Variants in NUDCD3 observed in about 807,000 individuals in gnomAD.
The protein encoded by NUDCD3 is NudC domain containing 3.
In NUDCD3, 13 loss-of-function variants were observed where a neutral mutation model predicts 39.7. The ratio of observed to expected loss-of-function variants is 0.33; its 90% CI spans 0.21 to 0.52. NUDCD3 has a LOEUF of 0.52. Ranked by LOEUF, NUDCD3 falls within the 20% of genes least tolerant of loss-of-function variation. The probability of loss-of-function intolerance (pLI) is 0.96; values close to 1 mark genes in which losing one functional copy is unlikely to be tolerated. For missense variants in NUDCD3, 453 were observed against 458.1 expected (o/e 0.99, Z 0.10); for synonymous variants, 175 against 172.4 (o/e 1.02, Z -0.12).
chr7:44,404,892 T>C (rs1365275224), intron 3 of NUDCD3, among the ~76,000 whole-genome samples: 1 of 152,172 alleles, frequency 6.6e-6, no homozygotes, highest in Non-Finnish European at 1.5e-5. Context: ...AGACCAATTG[T>C]CACAGCAAAA....
intron 2 of NUDCD3, among the ~76,000 whole-genome samples, chr7:44,432,401 C>T (rs1799381486): frequency 6.6e-6 from 1 of 152,158 alleles, no homozygotes; most frequent in South Asian, 2.1e-4. Flanking sequence ...AAGCTAGAGC[C>T]CCAAACCTAT....
intron 2 of NUDCD3, among the ~76,000 whole-genome samples, chr7:44,460,562 C>T (rs770816795): frequency 1.3e-5 from 2 of 151,908 alleles, no homozygotes; most frequent in Non-Finnish European, 2.9e-5. Flanking sequence ...TTACCAACAC[C>T]AAAACTAGAC....
At chr7:44,447,052 T>C (rs1799702187) in intron 2 of NUDCD3, among the ~76,000 whole-genome samples, 2 of 152,358 alleles carry the variant, frequency 1.3e-5, no homozygotes, top group South Asian at 4.1e-4. Context: ...GAAAAGCAAT[T>C]AGTTCTTGCC....
intron 2 of NUDCD3, among the ~76,000 whole-genome samples, chr7:44,475,599 A>G (rs1295064711): frequency 6.6e-6 from 1 of 152,050 alleles, no homozygotes; most frequent in Admixed American, 6.6e-5. Flanking sequence ...TCTACAAAAA[A>G]TTTTTTAAAA....
At chr7:44,469,140 A>AC (rs1800199451) in intron 2 of NUDCD3, among the ~76,000 whole-genome samples, 2 of 144,240 alleles carry the variant, frequency 1.4e-5, no homozygotes, top group Admixed American at 6.8e-5. Context: ...AAAAAAAAAA[A>AC]ACAGGAGATT....
At chr7:44,387,795 A>G (rs145934482) in intron 5 of NUDCD3, among the ~76,000 whole-genome samples, 2 of 152,350 alleles carry the variant, frequency 1.3e-5, no homozygotes, top group East Asian at 3.9e-4. Flanking sequence ...TTCCTGAGGC[A>G]AAAGTGGAGA....
chr7:44,386,092 C>T lies in NUDCD3; in HGVS notation c.1005G>A (p.Trp335Ter). 1 of 1,614,096 alleles carries T rather than the reference C, an allele frequency of 6.2e-7. No individual in the cohort carries two copies. Among genetic ancestry groups the T allele is most frequent in the Admixed American group, 1.7e-5 (1 of 60,026 alleles). The change falls in exon 6 of 6, where the codon TGG (tryptophan) becomes TGA (stop). Residue 335 changes from tryptophan to a stop codon, truncating the protein, a stop_gained. Coordinates refer to ENST00000355451, the MANE Select transcript of NUDCD3 (RefSeq NM_015332.4). LOFTEE classifies it high-confidence loss of function. Reference sequence around the variant, plus strand: ...CTCGGAAGGGAGAACCTTCAGCATCCCACCCCTTCTTCAGCATCTCATGGA... The same window carrying T: ...CTCGGAAGGGAGAACCTTCAGCATCTCACCCCTTCTTCAGCATCTCATGGA... ...LKVHEMLKKGWDAEGSPFRGQ... is the reference protein window; with the variant it reads ...LKVHEMLKKG
intron 3 of NUDCD3, among the ~76,000 whole-genome samples, chr7:44,412,566 C>T (rs987747987): frequency 1.3e-5 from 2 of 152,134 alleles, no homozygotes; most frequent in African/African-American, 4.8e-5. Context: ...AGATGGGGCC[C>T]AAATTGCCAC....
At chr7:44,442,958 T>C (rs1799619419) in intron 2 of NUDCD3, among the ~76,000 whole-genome samples, 1 of 152,164 alleles carries the variant, frequency 6.6e-6, no homozygotes, top group African/African-American at 2.4e-5. Flanking sequence ...CACCTTGGCC[T>C]CCCAAAGTGC....
At chr7:44,411,597 T>C (rs938720624) in intron 3 of NUDCD3, among the ~76,000 whole-genome samples, 6 of 152,164 alleles carry the variant, frequency 3.9e-5, no homozygotes, top group Admixed American at 2.0e-4. Flanking sequence ...CCCAGTAGGA[T>C]AGCTACAATT....
intron 2 of NUDCD3, among the ~76,000 whole-genome samples, chr7:44,446,404 G>A (rs775235595): frequency 4.6e-5 from 7 of 152,334 alleles, no homozygotes; most frequent in Admixed American, 2.0e-4. Context: ...GTACTTTTCC[G>A]TTCTCATTAG....
At chr7:44,388,530 G>A (rs1798446145) in intron 5 of NUDCD3, among the ~76,000 whole-genome samples, 1 of 152,268 alleles carries the variant, frequency 6.6e-6, no homozygotes, top group Admixed American at 6.5e-5. Context: ...ACCTCTGCGT[G>A]TTGCAAGCCT....
chr7:44,396,937 T>C (rs1331599824), intron 4 of NUDCD3, among the ~76,000 whole-genome samples: 6 of 150,434 alleles, frequency 4.0e-5, no homozygotes, highest in Admixed American at 6.6e-5. Context: ...AGTCTGATGG[T>C]TTTACATTTG....
intron 2 of NUDCD3, among the ~76,000 whole-genome samples, chr7:44,465,873 G>A (rs982643453): frequency 5.9e-5 from 9 of 152,138 alleles, no homozygotes; most frequent in African/African-American, 1.2e-4. Flanking sequence ...AAACTTTTAC[G>A]GAAAAATAGG....
intron 2 of NUDCD3, among the ~76,000 whole-genome samples, chr7:44,454,438 G>T (rs1458210589): frequency 6.6e-6 from 1 of 152,240 alleles, no homozygotes; most frequent in Non-Finnish European, 1.5e-5. Flanking sequence ...CCAGTATCAA[G>T]TTTGGTCAAA....
intron 3 of NUDCD3, among the ~76,000 whole-genome samples, chr7:44,407,566 CAAAAAAAAAAAA>C (rs758475229): frequency 2.1e-5 from 1 of 48,380 alleles, no homozygotes; most frequent in Non-Finnish European, 4.4e-5. Flanking sequence ...AATTCTGTCT[CAAAAAAAAAAAA>C]AAAAAAAACT....
intron 2 of NUDCD3, among the ~76,000 whole-genome samples, chr7:44,447,257 C>A (rs1799705445): frequency 6.6e-6 from 1 of 152,198 alleles, no homozygotes; most frequent in Non-Finnish European, 1.5e-5. Context: ...CAGAGGAAGA[C>A]AATAAAAATA....
intron 3 of NUDCD3, among the ~76,000 whole-genome samples, chr7:44,409,140 C>T (rs1798878597): frequency 6.6e-6 from 1 of 152,178 alleles, no homozygotes; most frequent in South Asian, 2.1e-4. Context: ...TAGAAAGACA[C>T]ATGAATGTAC....
intron 2 of NUDCD3, among the ~76,000 whole-genome samples, chr7:44,462,712 A>G (rs747595963): frequency 1.3e-5 from 2 of 152,212 alleles, no homozygotes; most frequent in Non-Finnish European, 2.9e-5. Flanking sequence ...ACATCCCATT[A>G]GACATGCAGG....
Sources: gnomAD v4.1 joint callset for allele counts (sites outside exome capture counted in the v4.1 genomes callset) on GRCh38, gnomAD v4.1.1 for gene constraint, MANE v1.5 for transcripts, NCBI Gene and HGNC (gene_info 2026-07-23, HGNC 2026-07-21) for gene names.